The following SPRYD7 variants were observed in gnomAD, a reference collection of about 807,000 sequenced individuals.
The protein encoded by SPRYD7 is SPRY domain-containing protein 7.
SPRYD7 carries 14 observed loss-of-function variants against 23.8 expected under a neutral mutation model. That is an observed-to-expected ratio of 0.59 (90% CI 0.39 to 0.92). The LOEUF is 0.92. Ranked by LOEUF, SPRYD7 falls within the 40% of genes least tolerant of loss-of-function variation. The pLI, the probability that SPRYD7 is intolerant of heterozygous loss-of-function variation, is 0.00. For synonymous variants in SPRYD7, 75 were observed against 84.9 expected, an observed-to-expected ratio of 0.88 and a Z score of 0.64; for missense variants, 194 against 241.7, an observed-to-expected ratio of 0.80 and a Z score of 1.31.
chr13:49,935,110 A>C (rs1308575196), intron 1 of SPRYD7, among the ~76,000 whole-genome samples: 1 of 152,252 alleles, frequency 6.6e-6, no homozygotes, highest in Non-Finnish European at 1.5e-5. Flanking sequence ...TATCACATTT[A>C]GTATGTGTTA....
Position 49,936,247 on chromosome 13 carries a change from C to A in SPRYD7, c.-12G>T. 7 of 1,591,044 alleles carry A rather than the reference C, an allele frequency of 4.4e-6. No individual in the cohort carries two copies. The highest frequency in any genetic ancestry group is 6.0e-6 in the Non-Finnish European group (7 of 1,170,600). On this transcript the variant is annotated 5_prime_UTR_variant, in exon 1 of 5. Coordinates refer to ENST00000361840, the MANE Select transcript of SPRYD7 (RefSeq NM_020456.4). The stretch of plus-strand genomic sequence containing the variant: ...ACCGAGGTGGCCATCGCGCAGGGAC[C>A]ACCGACTCCGCCGCCGTCCCTAGAC...
At chr13:49,928,596 C>T (rs1955911374) in intron 2 of SPRYD7, among the ~76,000 whole-genome samples, 1 of 152,214 alleles carries the variant, frequency 6.6e-6, no homozygotes, top group Non-Finnish European at 1.5e-5. Flanking sequence ...TACCTAACCT[C>T]TCTTTGTTCC....
Position 49,914,094 on chromosome 13 carries a change from A to G in SPRYD7, c.*969T>C, listed in dbSNP as rs1379205789. ...AAACAGACAACGTATCTAAAGATGT[A>G]TAGAGTGATTGGTTCAGGTCACAGG... is the stretch of plus-strand genomic sequence containing the variant. On this transcript the variant is annotated 3_prime_UTR_variant, in exon 5 of 5. Transcript: ENST00000361840. 6.5e-6 allele frequency: 1 copy of G among 153,768 alleles called. No homozygotes were observed. Among genetic ancestry groups the G allele is most frequent in the Non-Finnish European group, 1.5e-5 (1 of 68,058 alleles). The allele number at this position is 153,768 out of a possible 1,614,324, so 9.5% of individuals were successfully genotyped here. A position where few individuals can be genotyped will look rare whatever the true frequency, so the allele number is the denominator to read the frequency against.
rs1312535890 is a variant in SPRYD7 at position 49,913,646 on chromosome 13, C to T, written c.*1417G>A. The T allele has an allele frequency of 6.6e-6, 1 of 151,968 alleles. No homozygotes were observed. Among genetic ancestry groups the T allele is most frequent in the East Asian group, 2.0e-4 (1 of 5,122 alleles). The allele number at this position is 151,968 out of a possible 1,614,324, so 9.4% of individuals were successfully genotyped here. On this transcript the variant is annotated 3_prime_UTR_variant, in exon 5 of 5. Coordinates refer to ENST00000361840, the MANE Select transcript of SPRYD7 (RefSeq NM_020456.4). ...CAAGCCATTCTCCTGCCTCAGCCTCCAGAGTAGCTAGAACTACAGGCGCCC... is the reference window on the plus strand; with the variant it reads ...CAAGCCATTCTCCTGCCTCAGCCTCTAGAGTAGCTAGAACTACAGGCGCCC...
chr13:49,926,093 CTAGTTAAAA>C (rs1306379078), intron 3 of SPRYD7, among the ~76,000 whole-genome samples: 2 of 152,260 alleles, frequency 1.3e-5, no homozygotes, highest in East Asian at 3.9e-4. Context: ...AGTGTTTGAA[CTAGTTAAAA>C]TAGCAGGGTA....
intron 3 of SPRYD7, among the ~76,000 whole-genome samples, chr13:49,924,589 G>A (rs1753778952): frequency 6.6e-6 from 1 of 152,150 alleles, no homozygotes. Context: ...TTACAGGCAT[G>A]AGCCATAGTA....
chr13:49,934,555 C>CAAAAAAA (rs889803067), intron 1 of SPRYD7, among the ~76,000 whole-genome samples: 4 of 54,330 alleles, frequency 7.4e-5, no homozygotes, highest in African/African-American at 1.9e-4. Flanking sequence ...AACTCCGTCT[C>CAAAAAAA]AAAAAAAAAA....
At chr13:49,917,740 T>C (rs975945404) in intron 4 of SPRYD7, among the ~76,000 whole-genome samples, 2 of 152,226 alleles carry the variant, frequency 1.3e-5, no homozygotes, top group African/African-American at 4.8e-5. Flanking sequence ...ACTCTACTGA[T>C]ATTTATTTTA....
chr13:49,915,166 G>T lies in SPRYD7; in HGVS notation c.494-6C>A, dbSNP rs917559305. On this transcript the variant is annotated splice_polypyrimidine_tract_variant and splice_region_variant and intron_variant, in intron 4 of 4. Transcript: ENST00000361840. ...CAAAATTGCACTGTCATCAACTAAAGGATACAAAAAGAAAGAAAATAAATT... is the reference window on the plus strand; with the variant it reads ...CAAAATTGCACTGTCATCAACTAAATGATACAAAAAGAAAGAAAATAAATT... 6 of 1,425,310 alleles carry T rather than the reference G, an allele frequency of 4.2e-6. No homozygotes were observed. In the African/African-American group the frequency reaches 5.8e-5, roughly 14 times the overall value. 88.3% of individuals were successfully genotyped at this position (1,425,310 alleles called of 1,614,324 possible).
intron 3 of SPRYD7, 42 bp from the exon 4 acceptor site, chr13:49,921,622 G>C: frequency 7.9e-7 from 1 of 1,261,122 alleles, no homozygotes; most frequent in African/African-American, 1.5e-5. Context: ...AAGCTGAGCC[G>C]TCAGAAAGCA....
intron 3 of SPRYD7, among the ~76,000 whole-genome samples, chr13:49,924,554 G>C (rs1278473828): frequency 2.6e-5 from 4 of 151,924 alleles, no homozygotes; most frequent in Admixed American, 2.0e-4. Flanking sequence ...GGATCCTTCT[G>C]CCTTGGCCTC....
Position 49,936,192 on chromosome 13 carries a change from C to A in SPRYD7, c.44G>T (p.Gly15Val). 6.2e-7 allele frequency: 1 copy of A among 1,609,770 alleles called. No homozygotes were observed. The highest frequency in any genetic ancestry group is 8.5e-7 in the Non-Finnish European group (1 of 1,179,018). Residue 15 changes from glycine to valine, a missense_variant, in exon 1 of 5, where the codon GGG becomes GTG. By Grantham distance (109) the Gly-to-Val change is moderately radical. Coordinates refer to ENST00000361840, the MANE Select transcript of SPRYD7 (RefSeq NM_020456.4). ...VLCCLRCCRD[G>V]GTGHIPLKEM... ...CTTCAGAGGGATGTGGCCAGTCCCC[C>A]CGTCTCTGCAGCACCGCAGGCAGCA... is the stretch of plus-strand genomic sequence containing the variant.
At chr13:49,915,318 C>T (rs1955740651) in intron 4 of SPRYD7, among the ~76,000 whole-genome samples, 158 bp from the exon 5 acceptor site, 1 of 151,968 alleles carries the variant, frequency 6.6e-6, no homozygotes, top group South Asian at 2.1e-4. Flanking sequence ...AAACATAATC[C>T]TATGGGTAAA....
intron 1 of SPRYD7, among the ~76,000 whole-genome samples, chr13:49,935,087 G>A (rs1018066727): frequency 6.6e-6 from 1 of 152,166 alleles, no homozygotes; most frequent in Middle Eastern, 3.2e-3. Context: ...CACATACAAG[G>A]TGATTATATA....
Position 49,921,532 on chromosome 13 carries a change from T to G in SPRYD7, c.439A>C (p.Asn147His). Residue 147 changes from asparagine to histidine, a missense_variant, in exon 4 of 5, where the codon AAC becomes CAC. Physicochemically the swap from Asn to His is moderately conservative, Grantham distance 68. Coordinates refer to ENST00000361840, the MANE Select transcript of SPRYD7 (RefSeq NM_020456.4). ...ATACCTGATGCTGGACAATGCATGT[T>G]TTTTCCATTCAAGTATACATTTAAT... ...VELNVYLNGK[N>H]MHCPASGIRG... 1 of 1,613,728 alleles carries G rather than the reference T, an allele frequency of 6.2e-7. No individual in the cohort carries two copies. The highest frequency in any genetic ancestry group is 8.5e-7 in the Non-Finnish European group (1 of 1,179,726).
At chr13:49,934,412 G>A (rs1384920304) in intron 1 of SPRYD7, among the ~76,000 whole-genome samples, 4 of 151,776 alleles carry the variant, frequency 2.6e-5, no homozygotes, top group Non-Finnish European at 5.9e-5. Context: ...AAAATTAGCC[G>A]GGCTTGATGG....
chr13:49,913,973 CTCTT>C lies in SPRYD7; in HGVS notation c.*1086_*1089del, dbSNP rs1349308287. 3 of 152,770 alleles carry C rather than the reference CTCTT, an allele frequency of 2.0e-5. No individual in the cohort carries two copies. Among genetic ancestry groups the C allele is most frequent in the African/African-American group, 7.2e-5 (3 of 41,456 alleles). 9.5% of individuals were successfully genotyped at this position (152,770 alleles called of 1,614,324 possible). ...TGAGCAGCAAAACTACAATTTGGATCTCTTTCTAATTCTAACACTCATGTTTTCC... is the reference window on the plus strand; with the variant it reads ...TGAGCAGCAAAACTACAATTTGGATCTCTAATTCTAACACTCATGTTTTCC... On this transcript the variant is annotated 3_prime_UTR_variant, in exon 5 of 5. Transcript: ENST00000361840.
At position 49,914,983 on chromosome 13, in the gene SPRYD7, T is replaced by C; in HGVS notation, c.*80A>G. The C allele has an allele frequency of 1.4e-6, 1 of 715,832 alleles. No individual in the cohort carries two copies. Among genetic ancestry groups the C allele is most frequent in the Non-Finnish European group, 2.2e-6 (1 of 445,904 alleles). The allele number at this position is 715,832 out of a possible 1,614,324, so 44.3% of individuals were successfully genotyped here. On this transcript the variant is annotated 3_prime_UTR_variant, in exon 5 of 5. Transcript: ENST00000361840. ...GCATATTTTTAAGAATATATTTTCA[T>C]CTATAGGCCAGGTAAAGTTTTATTA...
chr13:49,928,155 G>A, intron 2 of SPRYD7, 70 bp from the exon 3 acceptor site: 4 of 1,386,378 alleles, frequency 2.9e-6, no homozygotes, highest in Non-Finnish European at 3.0e-6. Context: ...TTAAAAGGGA[G>A]TATAAACTTT....
Sources: allele counts gnomAD v4.1 joint callset (sites outside exome capture counted in the v4.1 genomes callset), GRCh38; gene constraint gnomAD v4.1.1; transcripts MANE v1.5; gene names NCBI Gene and HGNC (gene_info 2026-07-23, HGNC 2026-07-21).